The following PLPPR5 variants were observed in gnomAD, a reference collection of about 807,000 sequenced individuals.
The protein encoded by PLPPR5 is phospholipid phosphatase-related protein type 5.
Under a neutral mutation model 33.9 loss-of-function variants are expected in PLPPR5, and 16 were observed. That is an observed-to-expected ratio of 0.47 (90% confidence interval 0.32 to 0.72). The LOEUF (loss-of-function observed/expected upper bound fraction) is 0.72. PLPPR5 is among the 30% of genes least tolerant of loss of function. PLPPR5 has a pLI of 0.03. For missense variants in PLPPR5, 301 were observed against 406.7 expected (o/e 0.74, Z 2.23); for synonymous variants, 163 against 150.3 (o/e 1.08, Z -0.62).
chr1:98,958,393 C>CTT (rs144396272), intron 1 of PLPPR5, among the ~76,000 whole-genome samples: 25 of 151,256 alleles, frequency 1.7e-4, no homozygotes, highest in Admixed American at 7.9e-4. Flanking sequence ...CCCTTTTCCT[C>CTT]TTTCTTTTTT....
At chr1:98,967,461 G>C (rs757345340) in intron 1 of PLPPR5, among the ~76,000 whole-genome samples, 1 of 152,136 alleles carries the variant, frequency 6.6e-6, no homozygotes, top group African/African-American at 2.4e-5. Context: ...AAATGAAGAA[G>C]GGATGAGATT....
intron 3 of PLPPR5, among the ~76,000 whole-genome samples, chr1:98,934,943 T>C (rs1344218539): frequency 6.6e-6 from 1 of 152,070 alleles, no homozygotes; most frequent in Non-Finnish European, 1.5e-5. Context: ...TTATGGTTCA[T>C]AGAATTAAAA....
At chr1:98,971,665 G>C (rs543483099) in intron 1 of PLPPR5, among the ~76,000 whole-genome samples, 39 of 152,080 alleles carry the variant, frequency 2.6e-4, no homozygotes, top group African/African-American at 9.4e-4. Flanking sequence ...AAAATATTGA[G>C]AGTCATCACA....
intron 5 of PLPPR5, among the ~76,000 whole-genome samples, chr1:98,908,061 T>A (rs1430879261): frequency 6.6e-6 from 1 of 152,196 alleles, no homozygotes. Context: ...TAGTTGCTTA[T>A]TTGCTAACTC....
At chr1:98,940,637 G>A (rs749172659) in intron 3 of PLPPR5, among the ~76,000 whole-genome samples, 16 of 151,896 alleles carry the variant, frequency 1.1e-4, no homozygotes, top group Non-Finnish European at 2.2e-4. Flanking sequence ...TGTTACTCCA[G>A]TGGCAAAGTG....
At position 98,938,587 on chromosome 1, in the gene PLPPR5, T is replaced by C. The variant is rs376408307; in HGVS notation, c.621+14483A>G. On this transcript the variant is annotated intron_variant, in intron 3 of 5. Coordinates refer to ENST00000263177, the MANE Select transcript of PLPPR5 (RefSeq NM_001037317.2). ...ATTACTTATTATATATTCAAAGTAA[T>C]ATATATCATTCTATCACAAAGACAC... Among the ~76,000 whole-genome samples, 9 of 150,230 alleles carry C rather than the reference T, an allele frequency of 6.0e-5. No individual in the cohort carries two copies. The East Asian group carries it at 1.7e-3, about 29-fold the overall frequency.
In PLPPR5 at chr1:98,956,722, GC is replaced by G; in HGVS notation, c.256del (p.Ala86LeufsTer7). ...PVLVIIVGET[A>X]VFCLQLATRD... Reference sequence around the variant, plus strand: ...TGTGGCTAGTTGTAGGCAAAAGACAGCAGTTTCTCCAACTATTATCTTGAAA... The same window carrying G: ...TGTGGCTAGTTGTAGGCAAAAGACAGAGTTTCTCCAACTATTATCTTGAAA... On this transcript the variant is annotated frameshift_variant, in exon 2 of 6. Coordinates refer to ENST00000263177, the MANE Select transcript of PLPPR5 (RefSeq NM_001037317.2). LOFTEE classifies it high-confidence loss of function. 1 of 1,569,966 alleles carries G rather than the reference GC, an allele frequency of 6.4e-7. No homozygotes were observed. Among genetic ancestry groups the G allele is most frequent in the Non-Finnish European group, 8.6e-7 (1 of 1,162,874 alleles).
At chr1:98,999,007 C>T (rs141474691) in intron 1 of PLPPR5, among the ~76,000 whole-genome samples, 2 of 152,182 alleles carry the variant, frequency 1.3e-5, no homozygotes, top group African/African-American at 4.8e-5. Context: ...AGAGGAGTCA[C>T]CAAAGATAGG....
rs112461782 is a variant in PLPPR5 at position 98,991,858 on chromosome 1, C to CA, written c.237+12576dup. On this transcript the variant is annotated intron_variant, in intron 1 of 5. Coordinates refer to ENST00000263177, the MANE Select transcript of PLPPR5 (RefSeq NM_001037317.2). ...CCAGATAGCTAATGATACAGAGGCCCAAAAAAAAGGACTAGACTTTCTCAA... is the reference window on the plus strand; with the variant it reads ...CCAGATAGCTAATGATACAGAGGCCCAAAAAAAAAGGACTAGACTTTCTCAA... Among the ~76,000 whole-genome samples the CA allele has an allele frequency of 9.0e-4, 137 of 151,452 alleles. 1 individual carries two copies. The highest frequency in any genetic ancestry group is 6.8e-3 in the Middle Eastern group (2 of 292).
At chr1:98,986,420 G>T (rs959431311) in intron 1 of PLPPR5, among the ~76,000 whole-genome samples, 1 of 151,652 alleles carries the variant, frequency 6.6e-6, no homozygotes, top group Admixed American at 6.6e-5. Flanking sequence ...AGGTTACTAG[G>T]AATTTAAAAT....
In PLPPR5 at chr1:99,004,676, G is replaced by C. The variant is rs779323117; in HGVS notation, c.-5C>G. On this transcript the variant is annotated 5_prime_UTR_variant, in exon 1 of 6. Transcript: ENST00000263177. ...CGCCGCGGGCAGCAGGGGCATGCACGCCTCCCGGGCCGGGCCGAGCCGAGC... is the reference window on the plus strand; with the variant it reads ...CGCCGCGGGCAGCAGGGGCATGCACCCCTCCCGGGCCGGGCCGAGCCGAGC... 6.3e-7 allele frequency: 1 copy of C among 1,588,016 alleles called. No individual in the cohort carries two copies. Among genetic ancestry groups the C allele is most frequent in the South Asian group, 1.1e-5 (1 of 88,554 alleles).
intron 5 of PLPPR5, among the ~76,000 whole-genome samples, chr1:98,904,195 T>C (rs1328560215): frequency 6.6e-6 from 1 of 151,942 alleles, no homozygotes; most frequent in African/African-American, 2.4e-5. Flanking sequence ...TAGTATAGGT[T>C]GGTGAAAAGC....
intron 1 of PLPPR5, among the ~76,000 whole-genome samples, chr1:98,972,271 C>A (rs1388389312): frequency 6.6e-6 from 1 of 152,040 alleles, no homozygotes; most frequent in Non-Finnish European, 1.5e-5. Context: ...GGTGAATTTG[C>A]AATATATATT....
At chr1:98,943,464 G>A (rs565682528) in intron 3 of PLPPR5, among the ~76,000 whole-genome samples, 4 of 152,218 alleles carry the variant, frequency 2.6e-5, no homozygotes, top group East Asian at 3.9e-4. Flanking sequence ...GTGTCATCAC[G>A]GTCCCCTGTT....
chr1:98,994,142 T>C (rs113428942), intron 1 of PLPPR5, among the ~76,000 whole-genome samples: 38 of 151,108 alleles, frequency 2.5e-4, no homozygotes, highest in African/African-American at 8.8e-4. Context: ...ATGGTGCACA[T>C]AGAAGGTGCT....
At chr1:98,996,934 A>C (rs1214923271) in intron 1 of PLPPR5, among the ~76,000 whole-genome samples, 1 of 152,162 alleles carries the variant, frequency 6.6e-6, no homozygotes, top group African/African-American at 2.4e-5. Flanking sequence ...AACTGCAGCC[A>C]ACAGAGCATT....
At chr1:98,922,315 C>G (rs1411242359) in intron 3 of PLPPR5, among the ~76,000 whole-genome samples, 2 of 152,156 alleles carry the variant, frequency 1.3e-5, no homozygotes, top group East Asian at 3.9e-4. Flanking sequence ...TCTTAATCAT[C>G]TAGAAACACC....
intron 1 of PLPPR5, 25 bp downstream of exon 1, chr1:99,004,410 C>T (rs752885155): frequency 4.0e-5 from 62 of 1,562,306 alleles, no homozygotes; most frequent in South Asian, 1.6e-4. Flanking sequence ...GACTCGGCGA[C>T]GAGGGCGAGC....
chr1:98,984,975 A>T (rs533951428), intron 1 of PLPPR5, among the ~76,000 whole-genome samples: 4 of 151,854 alleles, frequency 2.6e-5, no homozygotes, highest in Non-Finnish European at 4.4e-5. Context: ...CTATGTAAAA[A>T]CTCTTCATAA....
Sources: gnomAD v4.1 joint callset for allele counts (sites outside exome capture counted in the v4.1 genomes callset) on GRCh38, gnomAD v4.1.1 for gene constraint, MANE v1.5 for transcripts, NCBI Gene and HGNC (gene_info 2026-07-23, HGNC 2026-07-21) for gene names.